The following LAPTM5 variants were observed in gnomAD, a reference collection of about 807,000 sequenced individuals.
LAPTM5 encodes lysosomal protein transmembrane 5.
In LAPTM5, 11 loss-of-function variants were observed where a neutral mutation model predicts 30.1. The ratio of observed to expected loss-of-function variants is 0.37; its 90% CI spans 0.23 to 0.60. The LOEUF (loss-of-function observed/expected upper bound fraction) is 0.60. Ranked by LOEUF, LAPTM5 falls within the 20% of genes least tolerant of loss-of-function variation. The probability of loss-of-function intolerance (pLI) is 0.71; values close to 1 mark genes in which losing one functional copy is unlikely to be tolerated. For synonymous variants in LAPTM5, 151 were observed against 137.9 expected (o/e 1.10, Z -0.67); for missense variants, 324 against 332.5 (o/e 0.97, Z 0.20).
In LAPTM5 at chr1:30,733,394, G is replaced by A. The variant is rs1320848904; in HGVS notation, c.*434C>T. Reference sequence around the variant, plus strand: ...AATGATTACTTGATTAAATTGCTATGTGAACTGACAACTATTTATAAATCA... The same window carrying A: ...AATGATTACTTGATTAAATTGCTATATGAACTGACAACTATTTATAAATCA... On this transcript the variant is annotated 3_prime_UTR_variant, in exon 8 of 8. Transcript: ENST00000294507. The A allele has an allele frequency of 1.9e-6, 1 of 523,320 alleles. No homozygotes were observed. Among genetic ancestry groups the A allele is most frequent in the African/African-American group, 2.0e-5 (1 of 49,542 alleles). The allele number at this position is 523,320 out of a possible 1,614,324, so 32.4% of individuals were successfully genotyped here. A position where few individuals can be genotyped will look rare whatever the true frequency, so the allele number is the denominator to read the frequency against.
chr1:30,741,869 G>C, intron 2 of LAPTM5, 153 bp from the exon 3 acceptor site: 1 of 542,664 alleles, frequency 1.8e-6, no homozygotes, highest in Non-Finnish European at 3.3e-6. Flanking sequence ...AGTCTGGAGT[G>C]AGTACAAAGA....
At chr1:30,740,669 C>A (rs545210161) in intron 3 of LAPTM5, among the ~76,000 whole-genome samples, 8 of 152,290 alleles carry the variant, frequency 5.3e-5, no homozygotes, top group Non-Finnish European at 8.8e-5. Context: ...CTTGACTGAT[C>A]TCAGAGTCTT....
rs565487111 is a variant in LAPTM5, at chr1:30,746,816, T to G, written c.88-4267A>C. Among the ~76,000 whole-genome samples the G allele has an allele frequency of 6.6e-6, 1 of 152,300 alleles. No individual in the cohort carries two copies. The highest frequency in any genetic ancestry group is 2.1e-4 in the South Asian group (1 of 4,830). ...TGAGGAATGGGGATAATCACTGACC[T>G]GCCTCACAGGATTGCTGAGGTCAAA... is the stretch of plus-strand genomic sequence containing the variant. On this transcript the variant is annotated intron_variant, in intron 1 of 7. Transcript: ENST00000294507. The surrounding 1 kb of genome is among the most constrained non-coding windows in gnomAD (Gnocchi z 4.0).
At chr1:30,752,349 T>TAA (rs1212711989) in intron 1 of LAPTM5, among the ~76,000 whole-genome samples, 1 of 152,150 alleles carries the variant, frequency 6.6e-6, no homozygotes, top group Non-Finnish European at 1.5e-5. Flanking sequence ...CTGAAGCTTG[T>TAA]AAAAGCAAAG....
At chr1:30,736,823 C>G (rs1639891068) in intron 6 of LAPTM5, among the ~76,000 whole-genome samples, 1 of 152,210 alleles carries the variant, frequency 6.6e-6, no homozygotes, top group South Asian at 2.1e-4. Context: ...CTTCTGTGGT[C>G]ATCAGCATCC....
intron 1 of LAPTM5, among the ~76,000 whole-genome samples, chr1:30,749,918 G>A (rs910966346): frequency 6.6e-6 from 1 of 152,154 alleles, no homozygotes; most frequent in African/African-American, 2.4e-5. Flanking sequence ...CACCGGTTTG[G>A]CAGGGGTGGG....
At chr1:30,743,601 T>C (rs1387615095) in intron 1 of LAPTM5, among the ~76,000 whole-genome samples, 3 of 152,140 alleles carry the variant, frequency 2.0e-5, no homozygotes, top group African/African-American at 7.2e-5. Context: ...ATGACATACA[T>C]ACAGTTCTCC....
intron 7 of LAPTM5, 75 bp from the exon 8 acceptor site, chr1:30,733,992 C>G: frequency 6.8e-7 from 1 of 1,480,626 alleles, no homozygotes; most frequent in East Asian, 2.4e-5. Context: ...TCATGGGACC[C>G]AAACCCCCAC....
chr1:30,751,001 C>T (rs1640130397), intron 1 of LAPTM5, among the ~76,000 whole-genome samples: 1 of 152,246 alleles, frequency 6.6e-6, no homozygotes, highest in South Asian at 2.1e-4. Flanking sequence ...GAAACCAACG[C>T]TCGCCTCACA....
chr1:30,749,642 T>C (rs1640101762), intron 1 of LAPTM5, among the ~76,000 whole-genome samples: 1 of 151,894 alleles, frequency 6.6e-6, no homozygotes, highest in African/African-American at 2.4e-5. Flanking sequence ...GGGCTCTGGG[T>C]CAACACCCAG....
intron 6 of LAPTM5, among the ~76,000 whole-genome samples, chr1:30,737,388 G>C (rs1426446717): frequency 1.3e-5 from 2 of 152,260 alleles, no homozygotes; most frequent in Middle Eastern, 3.4e-3. Flanking sequence ...AACGCAGGTG[G>C]CCTTTACGGA....
chr1:30,757,644 G>A lies in LAPTM5; in HGVS notation c.87+15C>T, dbSNP rs1330516927. 4 of 1,611,862 alleles carry A rather than the reference G, an allele frequency of 2.5e-6. No individual in the cohort carries two copies. The South Asian group carries it at 4.4e-5, about 18-fold the overall frequency. On this transcript the variant is annotated intron_variant, in intron 1 of 7. Transcript: ENST00000294507. ...CAAGCACGCACGCACACACACCCGG[G>A]GCCCGCACACTCACCACATGGTAGA...
chr1:30,741,491 T>C (rs1312790879), intron 3 of LAPTM5, 149 bp downstream of exon 3: 3 of 450,976 alleles, frequency 6.7e-6, no homozygotes, highest in East Asian at 3.9e-5. Context: ...AACATGGTTC[T>C]CCAAAAGGTA....
At chr1:30,744,968 A>C (rs542527633) in intron 1 of LAPTM5, among the ~76,000 whole-genome samples, 3 of 152,286 alleles carry the variant, frequency 2.0e-5, no homozygotes, top group African/African-American at 7.2e-5. Flanking sequence ...ATATGATGGA[A>C]AAATTTAGAA....
chr1:30,751,069 C>T (rs547351789), intron 1 of LAPTM5, among the ~76,000 whole-genome samples: 12 of 152,380 alleles, frequency 7.9e-5, no homozygotes, highest in African/African-American at 2.6e-4. Context: ...AAATAAAAGC[C>T]TCACTTCCTG....
intron 2 of LAPTM5, 43 bp downstream of exon 2, chr1:30,742,413 G>A (rs1301383426): frequency 6.9e-7 from 1 of 1,446,600 alleles, no homozygotes; most frequent in African/African-American, 1.4e-5. Flanking sequence ...GGCCCTCCCT[G>A]TCCTCCTCCC....
intron 1 of LAPTM5, among the ~76,000 whole-genome samples, chr1:30,757,250 C>G (rs113208828): frequency 6.6e-6 from 1 of 152,200 alleles, no homozygotes; most frequent in Admixed American, 6.5e-5. Flanking sequence ...ACCTCACATC[C>G]CGGTCAAACA....
At chr1:30,742,111 A>G in intron 2 of LAPTM5, 1 of 393,550 alleles carries the variant, frequency 2.5e-6, no homozygotes, top group East Asian at 5.5e-5. Flanking sequence ...AGAGGTGGGC[A>G]GAGGCTGGAT....
intron 7 of LAPTM5, among the ~76,000 whole-genome samples, chr1:30,734,536 G>T (rs1463624520): frequency 6.6e-6 from 1 of 152,204 alleles, no homozygotes; most frequent in East Asian, 1.9e-4. Context: ...CCTACATTTG[G>T]CTGCTAAGTT....
Sources: gnomAD v4.1 joint callset for allele counts (sites outside exome capture counted in the v4.1 genomes callset) on GRCh38, gnomAD v4.1.1 for gene constraint, Gnocchi (gnomAD v3.1) non-coding constraint, MANE v1.5 for transcripts, NCBI Gene and HGNC (gene_info 2026-07-23, HGNC 2026-07-21) for gene names.